The following DDAH1 variants were observed in gnomAD, a reference collection of about 807,000 sequenced individuals.
The protein encoded by DDAH1 is N(G),N(G)-dimethylarginine dimethylaminohydrolase 1.
In DDAH1, 19 loss-of-function variants were observed where a neutral mutation model predicts 28.8. The observed-to-expected ratio is 0.66, with a 90% CI of 0.46 to 0.97. DDAH1 has a LOEUF of 0.97. Among genes scored for constraint, DDAH1 ranks in the 50% least tolerant of loss-of-function variants. DDAH1 has a pLI of 0.00. For synonymous variants in DDAH1, 153 were observed against 154.4 expected, an observed-to-expected ratio of 0.99 and a Z score of 0.07; for missense variants, 326 against 375.9, an observed-to-expected ratio of 0.87 and a Z score of 1.10.
chr1:85,541,708 T>C (rs77404152), intron 1 of DDAH1, among the ~76,000 whole-genome samples: 4,361 of 152,270 alleles, frequency 0.029, 140 homozygotes, highest in East Asian at 0.13. Context: ...CCCAATGTGA[T>C]GGTATATGGA....
intron 2 of DDAH1, chr1:85,495,920 A>G (rs1656572386): frequency 6.6e-6 from 1 of 152,272 alleles, no homozygotes; most frequent in Non-Finnish European, 1.5e-5. Context: ...AGAATAAAGG[A>G]AAAACAAGAT....
At chr1:85,534,195 C>A (rs1285927839) in intron 1 of DDAH1, among the ~76,000 whole-genome samples, 5 of 152,212 alleles carry the variant, frequency 3.3e-5, no homozygotes. Flanking sequence ...TGCCACAATT[C>A]AGAATAGCCT....
intron 1 of DDAH1, among the ~76,000 whole-genome samples, chr1:85,525,509 AC>A (rs1165711682): frequency 9.2e-5 from 14 of 151,936 alleles, no homozygotes; most frequent in Admixed American, 8.5e-4. Flanking sequence ...GATTTTTACC[AC>A]ATCACTTAAC....
At chr1:85,383,691 A>T (rs1201538555) in intron 1 of DDAH1, among the ~76,000 whole-genome samples, 1 of 152,122 alleles carries the variant, frequency 6.6e-6, no homozygotes, top group Non-Finnish European at 1.5e-5. Context: ...CTTATTTTTT[A>T]AAATTGCCAC....
chr1:85,463,762 T>C (rs751734304), intron 1 of DDAH1, among the ~76,000 whole-genome samples: 1 of 152,150 alleles, frequency 6.6e-6, no homozygotes, highest in Non-Finnish European at 1.5e-5. Flanking sequence ...TCTCCAGAAA[T>C]GAAAGAAACC....
intron 1 of DDAH1, among the ~76,000 whole-genome samples, chr1:85,540,378 G>T (rs1018834719): frequency 6.6e-6 from 1 of 152,070 alleles, no homozygotes; most frequent in African/African-American, 2.4e-5. Flanking sequence ...AGACAACCAG[G>T]TTTCAAAGCC....
At chr1:85,569,219 A>C (rs1318756997) in intron 1 of DDAH1, among the ~76,000 whole-genome samples, 1 of 152,176 alleles carries the variant, frequency 6.6e-6, no homozygotes, top group East Asian at 1.9e-4. Context: ...ATTCTTTTTA[A>C]AGTCGATTTG....
intron 1 of DDAH1, among the ~76,000 whole-genome samples, chr1:85,391,093 C>A (rs1278573176): frequency 6.6e-6 from 1 of 152,166 alleles, no homozygotes; most frequent in African/African-American, 2.4e-5. Context: ...GAGATATCAT[C>A]CATACGAAGG....
chr1:85,390,482 G>T (rs1651495255), intron 1 of DDAH1, among the ~76,000 whole-genome samples: 1 of 152,140 alleles, frequency 6.6e-6, no homozygotes, highest in Non-Finnish European at 1.5e-5. Context: ...GAAAGGGAAG[G>T]GGGAAGGACT....
chr1:85,463,176 A>G (rs1053181523), intron 1 of DDAH1, among the ~76,000 whole-genome samples: 78 of 152,346 alleles, frequency 5.1e-4, no homozygotes, highest in African/African-American at 1.9e-3. Context: ...TCAGAATTAA[A>G]CCAATTTAAA....
chr1:85,358,756 A>G lies in DDAH1; in HGVS notation c.395T>C (p.Leu132Ser). 1 of 1,603,918 alleles carries G rather than the reference A, an allele frequency of 6.2e-7. No individual in the cohort carries two copies. Among genetic ancestry groups the G allele is most frequent in the South Asian group, 1.1e-5 (1 of 89,898 alleles). Residue 132 changes from leucine to serine, a missense_variant, in exon 2 of 6, where the codon TTA (leucine) becomes TCA (serine). Physicochemically the swap from Leu to Ser is moderately radical, Grantham distance 145. Coordinates refer to ENST00000284031, the MANE Select transcript of DDAH1 (RefSeq NM_012137.4). ...ENATLDGGDV[L>S]FTGREFFVGL... ...AATAAATACAACTATACCTGTGAAT[A>G]AAACATCTCCGCCATCTAAAGTTGC...
chr1:85,472,605 C>T (rs1360678192), intron 2 of DDAH1, among the ~76,000 whole-genome samples: 1 of 152,176 alleles, frequency 6.6e-6, no homozygotes, highest in African/African-American at 2.4e-5. Context: ...ATTGCAACCA[C>T]ATTAGGGGCT....
chr1:85,464,871 C>A lies in DDAH1; in HGVS notation c.175G>T (p.Gly59Trp). 1.3e-6 allele frequency: 2 copies of A among 1,584,502 alleles called. No individual in the cohort carries two copies. Among genetic ancestry groups the A allele is most frequent in the Non-Finnish European group, 8.5e-7 (1 of 1,174,030 alleles). The change falls in exon 1 of 6, where the codon GGG (glycine) becomes TGG (tryptophan). Residue 59 changes from glycine (G) to tryptophan (W), a missense_variant. By Grantham distance (184) the Gly-to-Trp change is radical. Transcript: ENST00000284031. The surrounding 1 kb of genome is among the most constrained non-coding windows in gnomAD (Gnocchi z 4.4). ...LYVGVLGSKLGLQVVELPADE... is the reference protein window; with the variant it reads ...LYVGVLGSKLWLQVVELPADE... The stretch of plus-strand genomic sequence containing the variant: ...GCCGGCAGCTCCACCACCTGCAGCC[C>A]CAGCTTGCTGCCCAGCACGCCCACG...
At chr1:85,500,450 G>A (rs748168279) in intron 1 of DDAH1, among the ~76,000 whole-genome samples, 4 of 152,036 alleles carry the variant, frequency 2.6e-5, no homozygotes, top group African/African-American at 4.8e-5. Context: ...CCTGGGTCTT[G>A]CGCAGAATGA....
intron 1 of DDAH1, among the ~76,000 whole-genome samples, chr1:85,409,237 T>G (rs1652536868): frequency 6.6e-6 from 1 of 152,170 alleles, no homozygotes; most frequent in Non-Finnish European, 1.5e-5. Flanking sequence ...GCCAAAAGAT[T>G]GGACACCCCT....
chr1:85,359,046 ATTG>A (rs759398318), intron 1 of DDAH1, among the ~76,000 whole-genome samples, 199 bp from the exon 2 acceptor site: 36 of 152,176 alleles, frequency 2.4e-4, no homozygotes, highest in Non-Finnish European at 5.1e-4. Flanking sequence ...TCTGTTAAAA[ATTG>A]TTTATTTTGT....
rs144686811 is a variant in DDAH1, at chr1:85,319,356, A to C, written c.*2096T>G. 1 of 152,360 alleles carries C rather than the reference A, an allele frequency of 6.6e-6. No homozygotes were observed. The highest frequency in any genetic ancestry group is 1.5e-5 in the Non-Finnish European group (1 of 68,032). The allele number at this position is 152,360 out of a possible 1,614,324, so 9.4% of individuals were successfully genotyped here. On this transcript the variant is annotated 3_prime_UTR_variant, in exon 6 of 6. Transcript: ENST00000284031. ...ACAGCCTTCTGCAGAACAAATTGTT[A>C]CAAAGAAAAATCTATTTGCTTGCAA...
At chr1:85,333,463 C>G (rs890511805) in intron 4 of DDAH1, among the ~76,000 whole-genome samples, 2 of 151,822 alleles carry the variant, frequency 1.3e-5, no homozygotes, top group South Asian at 4.2e-4. Context: ...TAATAATTCT[C>G]CAGAGACAGA....
At chr1:85,489,641 G>T (rs553825162) in intron 2 of DDAH1, among the ~76,000 whole-genome samples, 66 of 152,104 alleles carry the variant, frequency 4.3e-4, no homozygotes, top group African/African-American at 1.6e-3. Flanking sequence ...GAATGATAGA[G>T]ACCACCCACA....
Sources: allele counts gnomAD v4.1 joint callset (sites outside exome capture counted in the v4.1 genomes callset), GRCh38; gene constraint gnomAD v4.1.1; non-coding constraint Gnocchi (gnomAD v3.1); transcripts MANE v1.5; gene names NCBI Gene and HGNC (gene_info 2026-07-23, HGNC 2026-07-21).